The following DPH6 variants were observed in gnomAD, a reference collection of about 807,000 sequenced individuals.
DPH6 encodes the protein diphthine--ammonia ligase.
Under a neutral mutation model 38.2 loss-of-function variants are expected in DPH6, and 33 were observed. That is an observed-to-expected ratio of 0.86 (90% confidence interval 0.65 to 1.15). The LOEUF (loss-of-function observed/expected upper bound fraction) is 1.15. DPH6 is among the 50% of genes most tolerant of loss of function. The pLI is 0.00. For missense variants in DPH6, 325 were observed against 320.0 expected, an observed-to-expected ratio of 1.02 and a Z score of -0.12; for synonymous variants, 108 against 103.0, an observed-to-expected ratio of 1.05 and a Z score of -0.30.
intron 3 of DPH6, among the ~76,000 whole-genome samples, chr15:35,263,298 C>G (rs148358061): frequency 2.0e-5 from 3 of 151,550 alleles, no homozygotes; most frequent in African/African-American, 7.3e-5. Context: ...TAAATTAACT[C>G]TAGAAGATTC....
rs772317419 is a variant in DPH6, at chr15:35,546,130, C to T, written c.12G>A (p.Ala4=). 4.3e-6 allele frequency: 6 copies of T among 1,405,440 alleles called. No individual in the cohort carries two copies. The highest frequency in any genetic ancestry group is 1.6e-5 in the South Asian group (1 of 62,500). 87.1% of individuals were successfully genotyped at this position (1,405,440 alleles called of 1,614,324 possible). A position where few individuals can be genotyped will look rare whatever the true frequency, so the allele number is the denominator to read the frequency against. MRV[A]ALISGGKDSC... is the part of the protein sequence containing the mutation. ...CAGGACCGCATTACCTGATCAGAGC[C>T]GCGACCCTCATGCTGGGCGCAGTGC... is the stretch of plus-strand genomic sequence containing the variant. Residue 4 remains alanine, a synonymous_variant, in exon 1 of 9, where the codon GCG becomes GCA. Coordinates refer to ENST00000256538, the MANE Select transcript of DPH6 (RefSeq NM_080650.4).
intron 3 of DPH6, among the ~76,000 whole-genome samples, chr15:35,471,636 G>T (rs1418665308): frequency 1.3e-5 from 2 of 151,910 alleles, no homozygotes; most frequent in Non-Finnish European, 2.9e-5. Flanking sequence ...TCAACCCTTT[G>T]TTCTTACTCT....
chr15:35,346,851 T>G (rs2052465965), intron 3 of DPH6, among the ~76,000 whole-genome samples: 1 of 152,128 alleles, frequency 6.6e-6, no homozygotes, highest in Admixed American at 6.6e-5. Flanking sequence ...CTCTTTATAT[T>G]TATTCCTTGT....
rs908964651 is a variant in DPH6 at position 35,372,174 on chromosome 15, T to C, written c.780A>G (p.Thr260=). ...TTCAAAAATTATATATATAATTAGA[T>C]GTTCTGTAGTTGTCAGGCACTGAGG... ...KVSSVPDNYR[T]SNYIYNF is the part of the protein sequence containing the mutation. Residue 260 remains threonine, a synonymous_variant, in exon 9 of 9, where the codon ACA becomes ACG. Transcript: ENST00000256538. 14 of 1,522,720 alleles carry C rather than the reference T, an allele frequency of 9.2e-6. No homozygotes were observed. In the African/African-American group the frequency reaches 1.1e-4, roughly 12 times the overall value. 94.3% of individuals were successfully genotyped at this position (1,522,720 alleles called of 1,614,324 possible).
intron 5 of DPH6, 136 bp from the exon 6 acceptor site, chr15:35,411,032 A>T: frequency 2.9e-6 from 2 of 692,204 alleles, no homozygotes; most frequent in Non-Finnish European, 4.5e-6. Context: ...ATAAAGTAAA[A>T]TGTACTTTGC....
At chr15:35,149,417 T>G in the DPH6 span, among the ~76,000 whole-genome samples, 1 of 152,202 alleles carries the variant, frequency 6.6e-6, no homozygotes, top group Non-Finnish European at 1.5e-5. Context: ...TTTTGTATTT[T>G]TAGTAGAGAC....
chr15:35,335,010 C>T (rs953716502), intron 3 of DPH6, among the ~76,000 whole-genome samples: 6 of 152,158 alleles, frequency 3.9e-5, no homozygotes, highest in African/African-American at 1.4e-4. Context: ...CTAATTTACA[C>T]TCTCACCAAC....
the DPH6 span, among the ~76,000 whole-genome samples, chr15:35,164,829 G>A: frequency 6.6e-6 from 1 of 151,844 alleles, no homozygotes; most frequent in Non-Finnish European, 1.5e-5. Flanking sequence ...CTTATGGGCT[G>A]TCACTTTTGG....
chr15:35,541,682 T>A (rs1015935627), intron 2 of DPH6, among the ~76,000 whole-genome samples: 1 of 152,152 alleles, frequency 6.6e-6, no homozygotes, highest in African/African-American at 2.4e-5. Context: ...GTCACAAAAG[T>A]GCTAATCTTT....
the DPH6 span, among the ~76,000 whole-genome samples, chr15:35,155,414 C>A: frequency 6.6e-6 from 1 of 152,172 alleles, no homozygotes; most frequent in Admixed American, 6.6e-5. Context: ...TATAGAGAAG[C>A]ACATTGAAAT....
chr15:35,515,619 G>A (rs1443363211), intron 3 of DPH6, among the ~76,000 whole-genome samples: 1 of 151,574 alleles, frequency 6.6e-6, no homozygotes, highest in African/African-American at 2.4e-5. Context: ...TACTCAGGAG[G>A]CTGAGGCGGG....
At chr15:35,397,744 C>T (rs2053156392) in intron 6 of DPH6, among the ~76,000 whole-genome samples, 1 of 152,108 alleles carries the variant, frequency 6.6e-6, no homozygotes, top group South Asian at 2.1e-4. Flanking sequence ...TTCTCTTCTA[C>T]CCTGGCAGAA....
At chr15:35,326,109 A>C (rs941241263), downstream of DPH6, among the ~76,000 whole-genome samples, 1 of 152,220 alleles carries the variant, frequency 6.6e-6, no homozygotes, top group Admixed American at 6.5e-5. Context: ...AGAAATTGGC[A>C]CTATGAGTTT....
intron 1 of DPH6, among the ~76,000 whole-genome samples, chr15:35,542,716 CTA>C (rs35660588): frequency 4.7e-5 from 7 of 149,662 alleles, no homozygotes; most frequent in Non-Finnish European, 8.9e-5. Flanking sequence ...GCTTAAGAAA[CTA>C]TATATATATA....
In DPH6 at chr15:35,522,279, C is replaced by T. The variant is rs760890117; in HGVS notation, c.312+15995G>A. On this transcript the variant is annotated intron_variant, in intron 3 of 8. Coordinates refer to ENST00000256538, the MANE Select transcript of DPH6 (RefSeq NM_080650.4). ...CAAGCAAGGTCATTCTAGTGATGCC[C>T]TGGAAATGGGAAATTAGGAAAACGT... The T allele has an allele frequency of 6.2e-6, 10 of 1,612,078 alleles. No individual in the cohort carries two copies. The East Asian group carries it at 2.2e-4, about 36-fold the overall frequency.
chr15:35,310,724 T>C (rs900146280), intron 3 of DPH6, among the ~76,000 whole-genome samples: 2 of 151,938 alleles, frequency 1.3e-5, no homozygotes, highest in Admixed American at 6.6e-5. Context: ...TGATTACTAA[T>C]AGTACCTTCT....
At chr15:35,410,112 A>G (rs1236174935) in intron 6 of DPH6, among the ~76,000 whole-genome samples, 2 of 151,880 alleles carry the variant, frequency 1.3e-5, no homozygotes, top group African/African-American at 4.8e-5. Flanking sequence ...ATACTGATGA[A>G]TTAAGAGCAT....
the DPH6 span, among the ~76,000 whole-genome samples, chr15:35,209,212 T>C: frequency 2.6e-5 from 4 of 152,202 alleles, no homozygotes; most frequent in African/African-American, 9.6e-5. Flanking sequence ...GTTTACTAGG[T>C]AGATAATATT....
At chr15:35,219,515 T>A (rs369758973) in exon 4 of DPH6, 1 of 152,186 alleles carries the variant, frequency 6.6e-6, no homozygotes, top group African/African-American at 2.4e-5. Context: ...CAGATAAATA[T>A]GCAAATATGT....
Sources: gnomAD v4.1 joint callset for allele counts (sites outside exome capture counted in the v4.1 genomes callset) on GRCh38, gnomAD v4.1.1 for gene constraint, MANE v1.5 for transcripts, NCBI Gene and HGNC (gene_info 2026-07-23, HGNC 2026-07-21) for gene names.